TAF1: variants seen among roughly 807,000 people sequenced by gnomAD.
The protein encoded by TAF1 is TATA-box binding protein associated factor 1.
A neutral mutation model predicts 138.5 loss-of-function variants in TAF1; 2 were observed. The observed-to-expected ratio is 0.01, with a 90% confidence interval of 0.01 to 0.05. The LOEUF is 0.05. Ranked by LOEUF, TAF1 falls within the 10% of genes least tolerant of loss-of-function variation. TAF1 has a pLI of 1.00. For missense variants in TAF1, 709 were observed against 1,478.0 expected, an observed-to-expected ratio of 0.48 and a Z score of 8.53; for synonymous variants, 437 against 503.2, an observed-to-expected ratio of 0.87 and a Z score of 1.76.
chrX:71,463,708 T>C, intron 37 of TAF1, 116 bp from the exon 38 acceptor site: 1 of 681,674 alleles, frequency 1.5e-6, no homozygotes, highest in Non-Finnish European at 2.3e-6. Context: ...CCAGAACCAG[T>C]CACTTTAGTG....
At chrX:71,420,387 C>T in intron 28 of TAF1, 1 of 1,210,169 alleles carries the variant, frequency 8.3e-7, no homozygotes, top group Admixed American at 2.2e-5. Flanking sequence ...AAATTTGTCA[C>T]AGAGTATGGT....
At chrX:71,382,028 G>C in intron 9 of TAF1, 109 bp downstream of exon 9, 1 of 914,820 alleles carries the variant, frequency 1.1e-6, no homozygotes, top group Non-Finnish European at 1.4e-6. Context: ...CTAGAAACCT[G>C]TAGGTAGCGG....
At position 71,449,660 on chromosome X, in the gene TAF1, G is replaced by A. The variant is rs759576348; in HGVS notation, c.4754-4510G>A. Among the ~76,000 whole-genome samples the A allele has an allele frequency of 1.2e-4, 14 of 112,512 alleles. No individual in the cohort carries two copies. The South Asian group carries it at 4.7e-3, about 38-fold the overall frequency. On this transcript the variant is annotated intron_variant, in intron 32 of 37. Coordinates refer to ENST00000423759, the MANE Select transcript of TAF1 (RefSeq NM_004606.5). ...TATAGGCTGGGGTTTTAGCCATGAG[G>A]CAGGTCCCTATAGGTAGAAGAGCCT...
At chrX:71,405,630 C>T (rs370542562) in intron 25 of TAF1, among the ~76,000 whole-genome samples, 4 of 112,582 alleles carry the variant, frequency 3.6e-5, no homozygotes, top group Non-Finnish European at 5.6e-5. Context: ...AAATTACAGG[C>T]GTGAGCCACT....
In TAF1 at chrX:71,424,237, T is replaced by C. The variant is rs2036487540; in HGVS notation, c.4752T>C (p.Asn1584=). 3 of 1,179,656 alleles carry C rather than the reference T, an allele frequency of 2.5e-6. No homozygotes were observed. The highest frequency in any genetic ancestry group is 6.0e-5 in the East Asian group (2 of 33,488). ...NLILANSVKY[N]GPESQYTKTA... ...TTCTGGCCAACAGTGTTAAGTATAA[T>C]GGTGGGTATTTCTCATTATTTTCTT... The change falls in exon 32 of 38, where the codon AAT becomes AAC. Residue 1584 remains asparagine, a splice_region_variant and synonymous_variant. Coordinates refer to ENST00000423759, the MANE Select transcript of TAF1 (RefSeq NM_004606.5).
rs180747120 is a variant in TAF1, at chrX:71,480,949, T to C, written c.1366+20146T>C. Among the ~76,000 whole-genome samples, 7 of 111,708 alleles carry C rather than the reference T, an allele frequency of 6.3e-5. No individual in the cohort carries two copies. In the East Asian group the frequency reaches 2.0e-3, roughly 31 times the overall value. ...GGAGATGATGGTGGCTTGGTTGAGGTTGATAGTAATGGAGATGGTGAAAAG... is the reference window on the plus strand; with the variant it reads ...GGAGATGATGGTGGCTTGGTTGAGGCTGATAGTAATGGAGATGGTGAAAAG... On this transcript the variant is annotated intron_variant and NMD_transcript_variant, in intron 13 of 14. Transcript: ENST00000373775.
chrX:71,454,336 G>C (rs1042399795), intron 33 of TAF1, 99 bp downstream of exon 33: 31 of 737,524 alleles, frequency 4.2e-5, no homozygotes, highest in Non-Finnish European at 5.3e-5. Context: ...GTGGTACACA[G>C]CTGGGACGTG....
intron 13 of TAF1, among the ~76,000 whole-genome samples, chrX:71,486,034 C>T (rs913861205): frequency 2.8e-5 from 3 of 108,208 alleles, no homozygotes; most frequent in African/African-American, 6.7e-5. Flanking sequence ...GGAGTGCAGT[C>T]GTGTAATCTC....
intron 28 of TAF1, among the ~76,000 whole-genome samples, chrX:71,419,102 C>T (rs912267806): frequency 9.0e-6 from 1 of 111,432 alleles, no homozygotes; most frequent in Non-Finnish European, 1.9e-5. Flanking sequence ...TGTATTAACC[C>T]GATGTTATTA....
At chrX:71,470,217 A>T (rs1228764926), downstream of TAF1, among the ~76,000 whole-genome samples, 2 of 110,978 alleles carry the variant, frequency 1.8e-5, no homozygotes, top group African/African-American at 3.3e-5. Flanking sequence ...AAGAGTAATA[A>T]TATTGTAAAA....
intron 26 of TAF1, 57 bp from the exon 27 acceptor site, chrX:71,407,517 C>T: frequency 1.8e-6 from 2 of 1,092,691 alleles, no homozygotes; most frequent in Non-Finnish European, 2.5e-6. Flanking sequence ...TGTGCCTGGA[C>T]AGAATGTGGA....
At chrX:71,372,797 T>A (rs1466522816) in intron 3 of TAF1, among the ~76,000 whole-genome samples, 2 of 111,995 alleles carry the variant, frequency 1.8e-5, no homozygotes, top group Non-Finnish European at 3.8e-5. Flanking sequence ...ATTGGGAGGA[T>A]TATACATAAA....
intron 32 of TAF1, among the ~76,000 whole-genome samples, chrX:71,426,884 A>G (rs893607802): frequency 2.7e-5 from 3 of 111,979 alleles, no homozygotes; most frequent in African/African-American, 9.7e-5. Context: ...TGAAGCAGGG[A>G]AACAATTTCT....
At chrX:71,386,967 TTAGACATGTTAAATAGCTTAAA>T (rs1427858690) in intron 14 of TAF1, 2 of 279,492 alleles carry the variant, frequency 7.2e-6, no homozygotes, top group Admixed American at 1.2e-4. Context: ...AAAACTAAAC[TTAGACATGTTAAATAGCTTAAA>T]TAGACATGTT....
At chrX:71,514,463 CA>C (rs990209662) in intron 13 of TAF1, among the ~76,000 whole-genome samples, 412 of 39,753 alleles carry the variant, frequency 0.01, 4 homozygotes, top group South Asian at 0.048. Flanking sequence ...AAAACTAAAC[CA>C]AAAAAAAAAA....
At chrX:71,478,991 C>T (rs916212731) in intron 13 of TAF1, among the ~76,000 whole-genome samples, 16 of 112,424 alleles carry the variant, frequency 1.4e-4, no homozygotes, top group African/African-American at 5.2e-4. Flanking sequence ...CTTGCACCAC[C>T]GTACCAGAAG....
chrX:71,370,148 C>T (rs2032936602), intron 3 of TAF1, among the ~76,000 whole-genome samples: 1 of 111,600 alleles, frequency 9.0e-6, no homozygotes, highest in Non-Finnish European at 1.9e-5. Context: ...TGGCTGGAAC[C>T]CAGGAGGGGC....
chrX:71,442,406 C>T (rs1253624746), intron 32 of TAF1, among the ~76,000 whole-genome samples: 1 of 112,567 alleles, frequency 8.9e-6, no homozygotes, highest in Non-Finnish European at 1.9e-5. Context: ...TTGCATTTCT[C>T]TGATGGCCAG....
chrX:71,379,076 C>T, intron 8 of TAF1, 45 bp downstream of exon 8: 2 of 943,535 alleles, frequency 2.1e-6, no homozygotes, highest in Admixed American at 2.5e-5. Flanking sequence ...TGCCCTTAAT[C>T]TTAGTCACCA....
Sources: gnomAD v4.1 joint callset for allele counts (sites outside exome capture counted in the v4.1 genomes callset) on GRCh38, gnomAD v4.1.1 for gene constraint, MANE v1.5 for transcripts, NCBI Gene and HGNC (gene_info 2026-07-23, HGNC 2026-07-21) for gene names.